The following TPMT variants were observed in gnomAD, a reference collection of about 807,000 sequenced individuals.
TPMT encodes S-adenosyl-L-methionine:thiopurine S-methyltransferase.
TPMT carries 18 observed loss-of-function variants against 34.2 expected under a neutral mutation model. That is an observed-to-expected ratio of 0.53 (90% CI 0.36 to 0.78). The LOEUF is 0.78. Among genes scored for constraint, TPMT ranks in the 30% least tolerant of loss-of-function variants. The pLI, the probability that TPMT is intolerant of heterozygous loss-of-function variation, is 0.00. For missense variants in TPMT, 265 were observed against 288.1 expected (o/e 0.92, Z 0.58); for synonymous variants, 69 against 92.4 (o/e 0.75, Z 1.45).
chr6:18,142,703 A>C (rs1473357704), intron 4 of TPMT, among the ~76,000 whole-genome samples: 1 of 151,900 alleles, frequency 6.6e-6, no homozygotes, highest in Non-Finnish European at 1.5e-5. Context: ...TCAGACATAA[A>C]ACCTTCACCA....
chr6:18,138,264 G>GTTTTTTTT lies in TPMT; in HGVS notation c.494+691_494+698dup. Among the ~76,000 whole-genome samples, 1 of 140,548 alleles carries GTTTTTTTT rather than the reference G, an allele frequency of 7.1e-6. No individual in the cohort carries two copies. Among genetic ancestry groups the GTTTTTTTT allele is most frequent in the Non-Finnish European group, 1.5e-5 (1 of 65,288 alleles). 92.2% of individuals were successfully genotyped at this position (140,548 alleles called of 152,430 possible). Reference sequence around the variant, plus strand: ...CCACATGAAATATTTTGATTTTTTTGTTTTTTTTTTTTTTTAAATATTTTA... The same window carrying GTTTTTTTT: ...CCACATGAAATATTTTGATTTTTTTGTTTTTTTTTTTTTTTTTTTTTTTAAATATTTTA... On this transcript the variant is annotated intron_variant, in intron 6 of 8. Transcript: ENST00000309983. The surrounding 1 kb of genome is among the most constrained non-coding windows in gnomAD (Gnocchi z 4.1).
intron 7 of TPMT, among the ~76,000 whole-genome samples, chr6:18,133,028 C>A (rs922832634): frequency 6.6e-6 from 1 of 151,976 alleles, no homozygotes; most frequent in African/African-American, 2.4e-5. Context: ...GGAAGGCGGA[C>A]GTTGCAGTGA....
chr6:18,137,671 T>C (rs1043049171), intron 6 of TPMT, among the ~76,000 whole-genome samples: 1 of 129,980 alleles, frequency 7.7e-6, no homozygotes, highest in African/African-American at 3.0e-5. Context: ...ATAACAGCTC[T>C]CATTTATACA....
In TPMT at chr6:18,131,302, G is replaced by T. The variant is rs1207462440; in HGVS notation, c.626-522C>A. On this transcript the variant is annotated intron_variant, in intron 8 of 8. Coordinates refer to ENST00000309983, the MANE Select transcript of TPMT (RefSeq NM_000367.5). This position sits in a 1 kb window ranked among gnomAD's most constrained non-coding sequence, Gnocchi z 4.3. ...AAGAGTAAAAATAAATACACCACTG[G>T]GCATGGCGGCTCATGCCTCTAATCC... is the stretch of plus-strand genomic sequence containing the variant. Among the ~76,000 whole-genome samples the T allele has an allele frequency of 1.3e-5, 2 of 152,062 alleles. No individual in the cohort carries two copies. The highest frequency in any genetic ancestry group is 1.3e-4 in the Admixed American group (2 of 15,276).
At position 18,129,765 on chromosome 6, in the gene TPMT, AGATT is replaced by A. The variant is rs542619563; in HGVS notation, c.*899_*902del. 3.5e-3 allele frequency: 531 copies of A among 152,332 alleles called. 3 individuals are homozygous for A. Among genetic ancestry groups the A allele is most frequent in the African/African-American group, 0.012 (512 of 41,566 alleles). The allele number at this position is 152,332 out of a possible 1,614,324, so 9.4% of individuals were successfully genotyped here. On this transcript the variant is annotated 3_prime_UTR_variant, in exon 9 of 9. Coordinates refer to ENST00000309983, the MANE Select transcript of TPMT (RefSeq NM_000367.5). The stretch of plus-strand genomic sequence containing the variant: ...GAATTTGGGAATGTTTGTTCCATAT[AGATT>A]GTTTAATTAAAATGTATTTGTTTCT...
Position 18,150,530 on chromosome 6 carries a change from A to C in TPMT, c.-44-1359T>G, listed in dbSNP as rs1784330193. On this transcript the variant is annotated intron_variant, in intron 1 of 8. Coordinates refer to ENST00000309983, the MANE Select transcript of TPMT (RefSeq NM_000367.5). The surrounding 1 kb of genome is among the most constrained non-coding windows in gnomAD (Gnocchi z 5.3). ...AGCTAGCTTTCTGGGATCGCTCTTC[A>C]TCATCATTCTGGAGATTTCCTTCTT... is the stretch of plus-strand genomic sequence containing the variant. Among the ~76,000 whole-genome samples, 1 of 152,138 alleles carries C rather than the reference A, an allele frequency of 6.6e-6. No individual in the cohort carries two copies. Among genetic ancestry groups the C allele is most frequent in the Admixed American group, 6.6e-5 (1 of 15,260 alleles).
intron 1 of TPMT, among the ~76,000 whole-genome samples, chr6:18,152,286 CT>C (rs2150721273): frequency 6.6e-6 from 1 of 152,170 alleles, no homozygotes; most frequent in Admixed American, 6.5e-5. Flanking sequence ...GTCCATTTGC[CT>C]TTCCAAAATT....
chr6:18,130,703 G>T lies in TPMT; in HGVS notation c.703C>A (p.Leu235Ile). ...ERHKSWGIDCLFEKLYLLTEK is the reference protein window; with the variant it reads ...ERHKSWGIDCIFEKLYLLTEK ...GTAAGTAGATATAACTTTTCAAAAA[G>T]ACAGTCAATTCCCCAACTTTTATGT... Residue 235 changes from leucine (L) to isoleucine (I), a missense_variant, in exon 9 of 9, where the codon CTT (leucine) becomes ATT (isoleucine). Leu to Ile is a conservative substitution (Grantham distance 5, BLOSUM62 2). Transcript: ENST00000309983. This position sits in a 1 kb window ranked among gnomAD's most constrained non-coding sequence, Gnocchi z 4.2. 1 of 1,612,618 alleles carries T rather than the reference G, an allele frequency of 6.2e-7. No individual in the cohort carries two copies.
chr6:18,140,174 G>A lies in TPMT; in HGVS notation c.367-457C>T, dbSNP rs1582041930. ...TTCAGCCAATGAGCATTTATTTGCT[G>A]AGTACCTAATAGACAAGACATCTAT... On this transcript the variant is annotated intron_variant, in intron 4 of 8. Transcript: ENST00000309983. The surrounding 1 kb of genome is among the most constrained non-coding windows in gnomAD (Gnocchi z 4.7). Among the ~76,000 whole-genome samples, 1 of 152,304 alleles carries A rather than the reference G, an allele frequency of 6.6e-6. No homozygotes were observed. Among genetic ancestry groups the A allele is most frequent in the Non-Finnish European group, 1.5e-5 (1 of 68,020 alleles).
rs1352394807 is a variant in TPMT, at chr6:18,129,904, T to C, written c.*764A>G. The C allele has an allele frequency of 1.3e-5, 2 of 152,132 alleles. No homozygotes were observed. The highest frequency in any genetic ancestry group is 1.5e-5 in the Non-Finnish European group (1 of 68,048). The allele number at this position is 152,132 out of a possible 1,614,324, so 9.4% of individuals were successfully genotyped here. A position where few individuals can be genotyped will look rare whatever the true frequency, so the allele number is the denominator to read the frequency against. On this transcript the variant is annotated 3_prime_UTR_variant, in exon 9 of 9. Transcript: ENST00000309983. ...GATCTGAGTAAAAGACAAGGGTTTATAGTAAAAACTAATCTTTTATATAAC... is the reference window on the plus strand; with the variant it reads ...GATCTGAGTAAAAGACAAGGGTTTACAGTAAAAACTAATCTTTTATATAAC...
Position 18,144,706 on chromosome 6 carries a change from G to A in TPMT, c.234-978C>T, listed in dbSNP as rs115270488. Among the ~76,000 whole-genome samples, 363 of 150,326 alleles carry A rather than the reference G, an allele frequency of 2.4e-3. 2 individuals are homozygous for A. The highest frequency in any genetic ancestry group is 8.0e-3 in the African/African-American group (329 of 40,870). On this transcript the variant is annotated intron_variant, in intron 3 of 8. Coordinates refer to ENST00000309983, the MANE Select transcript of TPMT (RefSeq NM_000367.5). ...TTCCTGGTAATTTTGAGGAAAAGAG[G>A]AAAATTTTTTCCTCAAAAAAAATTT...
Position 18,146,016 on chromosome 6 carries a change from T to G in TPMT, c.233+1807A>C, listed in dbSNP as rs1784240018. On this transcript the variant is annotated intron_variant, in intron 3 of 8. Transcript: ENST00000309983. The surrounding 1 kb of genome is among the most constrained non-coding windows in gnomAD (Gnocchi z 6.2). ...ACCTAAATATCTTAAACATTTTGTT[T>G]TAATGCTTTTTGGCCTTAGCTCATG... Among the ~76,000 whole-genome samples the G allele has an allele frequency of 6.6e-6, 1 of 152,168 alleles. No individual in the cohort carries two copies. The highest frequency in any genetic ancestry group is 2.1e-4 in the South Asian group (1 of 4,834).
In TPMT at chr6:18,130,561, G is replaced by C. The variant is rs1783921774; in HGVS notation, c.*107C>G. 5.1e-6 allele frequency: 4 copies of C among 788,484 alleles called. No individual in the cohort carries two copies. In the Admixed American group the frequency reaches 9.2e-5, roughly 18 times the overall value. The allele number at this position is 788,484 out of a possible 1,614,324, so 48.8% of individuals were successfully genotyped here. ...CATTTTTAGTAAAGATCTATCATAT[G>C]ATTTATAAACAATTTTAAAAATTCA... On this transcript the variant is annotated 3_prime_UTR_variant, in exon 9 of 9. Transcript: ENST00000309983. This position sits in a 1 kb window ranked among gnomAD's most constrained non-coding sequence, Gnocchi z 4.2.
chr6:18,152,326 T>A (rs1784367078), intron 1 of TPMT, among the ~76,000 whole-genome samples: 1 of 152,162 alleles, frequency 6.6e-6, no homozygotes, highest in African/African-American at 2.4e-5. Context: ...CTGTCCTGGC[T>A]ATCCTAGTAC....
At position 18,140,387 on chromosome 6, in the gene TPMT, A is replaced by G. The variant is rs1784118059; in HGVS notation, c.367-670T>C. 6.6e-6 allele frequency among the ~76,000 whole-genome samples: 1 copy of G among 152,164 alleles called. No individual in the cohort carries two copies. Among genetic ancestry groups the G allele is most frequent in the Non-Finnish European group, 1.5e-5 (1 of 68,026 alleles). On this transcript the variant is annotated intron_variant, in intron 4 of 8. Coordinates refer to ENST00000309983, the MANE Select transcript of TPMT (RefSeq NM_000367.5). This position sits in a 1 kb window ranked among gnomAD's most constrained non-coding sequence, Gnocchi z 4.7. ...GGGCCTGCCTGGGAGCATCAGGGAGACTAAACAAAAGGTGACTTTTGGCCA... is the reference window on the plus strand; with the variant it reads ...GGGCCTGCCTGGGAGCATCAGGGAGGCTAAACAAAAGGTGACTTTTGGCCA...
chr6:18,134,744 G>A (rs1208986693), intron 6 of TPMT, among the ~76,000 whole-genome samples: 1 of 152,224 alleles, frequency 6.6e-6, no homozygotes, highest in African/African-American at 2.4e-5. Flanking sequence ...CTTTTGTATT[G>A]TATGGTGGTT....
In TPMT at chr6:18,140,508, G is replaced by T. The variant is rs1388232549; in HGVS notation, c.367-791C>A. ...AGTATGAGACCAGCCTGGGCAACAT[G>T]GCAAAACTCCAACTCTACAGAAAAA... On this transcript the variant is annotated intron_variant, in intron 4 of 8. Transcript: ENST00000309983. This position sits in a 1 kb window ranked among gnomAD's most constrained non-coding sequence, Gnocchi z 4.7. Among the ~76,000 whole-genome samples, 1 of 152,008 alleles carries T rather than the reference G, an allele frequency of 6.6e-6. No homozygotes were observed. Among genetic ancestry groups the T allele is most frequent in the South Asian group, 2.1e-4 (1 of 4,828 alleles).
intron 4 of TPMT, among the ~76,000 whole-genome samples, chr6:18,141,704 T>G (rs1366496076): frequency 6.6e-6 from 1 of 152,102 alleles, no homozygotes; most frequent in Non-Finnish European, 1.5e-5. Flanking sequence ...AGATGGACAA[T>G]AGATCCTATA....
chr6:18,134,747 T>C (rs1270433419), intron 6 of TPMT, among the ~76,000 whole-genome samples: 6 of 152,178 alleles, frequency 3.9e-5, no homozygotes, highest in Non-Finnish European at 7.3e-5. Context: ...TTGTATTGTA[T>C]GGTGGTTGGA....
Sources: allele counts gnomAD v4.1 joint callset (sites outside exome capture counted in the v4.1 genomes callset), GRCh38; gene constraint gnomAD v4.1.1; non-coding constraint Gnocchi (gnomAD v3.1); transcripts MANE v1.5; gene names NCBI Gene and HGNC (gene_info 2026-07-23, HGNC 2026-07-21).